Variants in ERC2 observed in about 807,000 individuals in gnomAD.
ERC2 encodes ERC protein 2.
In ERC2, 42 loss-of-function variants were observed where a neutral mutation model predicts 114.8. That is an observed-to-expected ratio of 0.37 (90% confidence interval 0.29 to 0.47). ERC2 has a LOEUF of 0.47. Among genes scored for constraint, ERC2 ranks in the 20% least tolerant of loss-of-function variants. The pLI is 0.99. For synonymous variants in ERC2, 454 were observed against 425.5 expected, an observed-to-expected ratio of 1.07 and a Z score of -0.82; for missense variants, 939 against 1,150.7, an observed-to-expected ratio of 0.82 and a Z score of 2.66.
chr3:56,080,178 T>C (rs956083963), intron 7 of ERC2, among the ~76,000 whole-genome samples: 5 of 152,124 alleles, frequency 3.3e-5, no homozygotes, highest in African/African-American at 1.2e-4. Flanking sequence ...TAAAACTATA[T>C]ACAGTAGCAA....
At chr3:56,226,306 G>A (rs1020714158) in intron 3 of ERC2, among the ~76,000 whole-genome samples, 1 of 152,116 alleles carries the variant, frequency 6.6e-6, no homozygotes, top group Non-Finnish European at 1.5e-5. Context: ...AGTTTTGTTT[G>A]CCATCATCTC....
At chr3:55,747,150 G>A (rs1417923647) in intron 14 of ERC2, among the ~76,000 whole-genome samples, 1 of 152,160 alleles carries the variant, frequency 6.6e-6, no homozygotes. Flanking sequence ...TTCAGGGGGA[G>A]CTAGGACATT....
At chr3:55,547,078 T>C (rs1162948105) in intron 17 of ERC2, among the ~76,000 whole-genome samples, 1 of 152,246 alleles carries the variant, frequency 6.6e-6, no homozygotes, top group African/African-American at 2.4e-5. Context: ...AGAATGGTAA[T>C]AGCGTATCTC....
At chr3:55,634,464 G>A (rs190441019) in intron 17 of ERC2, among the ~76,000 whole-genome samples, 52 of 152,176 alleles carry the variant, frequency 3.4e-4, no homozygotes, top group African/African-American at 1.2e-3. Context: ...CATGAAAGAT[G>A]TAATCTTGAC....
At chr3:56,149,770 A>G (rs1209677442) in intron 4 of ERC2, among the ~76,000 whole-genome samples, 40 of 152,178 alleles carry the variant, frequency 2.6e-4, no homozygotes, top group Non-Finnish European at 8.8e-5. Context: ...TCAGGTCCCT[A>G]CGTAACAAAA....
At chr3:55,900,212 C>G (rs1366469611) in intron 13 of ERC2, among the ~76,000 whole-genome samples, 2 of 152,202 alleles carry the variant, frequency 1.3e-5, no homozygotes, top group East Asian at 1.9e-4. Context: ...ACTCATTTCA[C>G]TTTGTTCTCT....
At chr3:56,366,723 T>C (rs1454033875) in intron 2 of ERC2, among the ~76,000 whole-genome samples, 1 of 152,190 alleles carries the variant, frequency 6.6e-6, no homozygotes, top group African/African-American at 2.4e-5. Context: ...ATGAAGACAA[T>C]CACAGGGTAG....
intron 1 of ERC2, among the ~76,000 whole-genome samples, chr3:56,438,411 C>G (rs1192585445): frequency 6.6e-6 from 1 of 152,172 alleles, no homozygotes; most frequent in Non-Finnish European, 1.5e-5. Flanking sequence ...GGATTTGAAA[C>G]TGATCTCCCA....
At chr3:56,197,474 T>C (rs1481937562) in intron 3 of ERC2, among the ~76,000 whole-genome samples, 3 of 152,212 alleles carry the variant, frequency 2.0e-5, no homozygotes. Context: ...AGCCAGAATT[T>C]AGTCACATGA....
chr3:55,636,003 G>T (rs985323143), intron 17 of ERC2, among the ~76,000 whole-genome samples: 2 of 151,886 alleles, frequency 1.3e-5, no homozygotes, highest in African/African-American at 4.8e-5. Flanking sequence ...AGCCTCCCAA[G>T]TAGCTGGGAT....
intron 12 of ERC2, among the ~76,000 whole-genome samples, chr3:55,976,578 A>C (rs527337550): frequency 6.6e-6 from 1 of 152,310 alleles, no homozygotes; most frequent in African/African-American, 2.4e-5. Flanking sequence ...TCTAGATCAA[A>C]GTTCTACTCT....
rs139710408 is a variant in ERC2 at position 56,248,327 on chromosome 3, C to A, written c.1074+47692G>T. On this transcript the variant is annotated intron_variant, in intron 3 of 17. Coordinates refer to ENST00000288221, the MANE Select transcript of ERC2 (RefSeq NM_015576.3). Reference sequence around the variant, plus strand: ...CAGACTGGTCTTGAACTCCTGGCCTCAAGCAATTCTCCTGCCTCGGCCTCC... The same window carrying A: ...CAGACTGGTCTTGAACTCCTGGCCTAAAGCAATTCTCCTGCCTCGGCCTCC... Among the ~76,000 whole-genome samples, 619 of 152,280 alleles carry A rather than the reference C, an allele frequency of 4.1e-3. 6 individuals carry two copies. The highest frequency in any genetic ancestry group is 0.013 in the African/African-American group (551 of 41,556).
At chr3:55,705,225 A>C (rs1190064568) in intron 15 of ERC2, among the ~76,000 whole-genome samples, 1 of 152,182 alleles carries the variant, frequency 6.6e-6, no homozygotes, top group Non-Finnish European at 1.5e-5. Flanking sequence ...AGAGGCATCA[A>C]ATAAGGCTCC....
intron 2 of ERC2, among the ~76,000 whole-genome samples, chr3:56,326,917 G>A (rs2057386674): frequency 6.6e-6 from 1 of 152,198 alleles, no homozygotes; most frequent in South Asian, 2.1e-4. Flanking sequence ...TTTCTCTGGG[G>A]ATCCCTGGCC....
intron 1 of ERC2, among the ~76,000 whole-genome samples, chr3:56,440,850 G>A (rs1288325843): frequency 6.6e-6 from 1 of 152,056 alleles, no homozygotes; most frequent in East Asian, 1.9e-4. Flanking sequence ...TAACATAGAT[G>A]CCACAAAGTA....
At chr3:56,140,469 T>C (rs2080788692) in intron 5 of ERC2, among the ~76,000 whole-genome samples, 1 of 152,202 alleles carries the variant, frequency 6.6e-6, no homozygotes, top group Non-Finnish European at 1.5e-5. Context: ...CAATCTTATG[T>C]CCTGAAGATT....
At chr3:56,072,686 C>G (rs1459124344) in intron 7 of ERC2, among the ~76,000 whole-genome samples, 1 of 151,738 alleles carries the variant, frequency 6.6e-6, no homozygotes, top group Non-Finnish European at 1.5e-5. Context: ...ATTTTCAACC[C>G]AAAAGGTTGA....
At chr3:56,400,993 T>C (rs570045101) in intron 2 of ERC2, among the ~76,000 whole-genome samples, 2 of 152,310 alleles carry the variant, frequency 1.3e-5, no homozygotes, top group Non-Finnish European at 2.9e-5. Context: ...CCCTCTCTGG[T>C]TTGTTTTTTC....
intron 14 of ERC2, among the ~76,000 whole-genome samples, chr3:55,826,347 G>A (rs1185720871): frequency 2.0e-5 from 3 of 152,186 alleles, no homozygotes; most frequent in Non-Finnish European, 2.9e-5. Flanking sequence ...TAGGGCTCCA[G>A]CTGACCTCTA....
Sources: allele counts gnomAD v4.1 joint callset (sites outside exome capture counted in the v4.1 genomes callset), GRCh38; gene constraint gnomAD v4.1.1; transcripts MANE v1.5; gene names NCBI Gene and HGNC (gene_info 2026-07-23, HGNC 2026-07-21).